TSPAN5: variants seen among roughly 807,000 people sequenced by gnomAD.
TSPAN5 encodes the protein tetraspanin 5, also known as tetraspanin-5.
In TSPAN5, 10 loss-of-function variants were observed where a neutral mutation model predicts 37.1. That is an observed-to-expected ratio of 0.27 (90% CI 0.17 to 0.46). TSPAN5 has a LOEUF of 0.46. Among genes scored for constraint, TSPAN5 ranks in the 20% least tolerant of loss-of-function variants. The pLI, the probability that TSPAN5 is intolerant of heterozygous loss-of-function variation, is 1.00. For synonymous variants in TSPAN5, 110 were observed against 118.9 expected (o/e 0.93, Z 0.48); for missense variants, 195 against 326.6 (o/e 0.60, Z 3.11).
At chr4:98,598,738 G>T (rs2110217279) in intron 1 of TSPAN5, among the ~76,000 whole-genome samples, 1 of 152,224 alleles carries the variant, frequency 6.6e-6, no homozygotes, top group African/African-American at 2.4e-5. Flanking sequence ...AAAGTACTGG[G>T]ATTACAGGCA....
intron 1 of TSPAN5, among the ~76,000 whole-genome samples, chr4:98,619,923 T>A (rs1023127076): frequency 3.9e-5 from 6 of 152,082 alleles, no homozygotes; most frequent in Non-Finnish European, 7.4e-5. Context: ...ACTAATCCAA[T>A]TTCACCCTTA....
chr4:98,517,067 A>C (rs921804230), intron 1 of TSPAN5, among the ~76,000 whole-genome samples: 2 of 152,214 alleles, frequency 1.3e-5, no homozygotes, highest in African/African-American at 4.8e-5. Context: ...CCTAAGACAT[A>C]AATAAGAGAC....
chr4:98,514,962 A>G (rs1753696716), intron 1 of TSPAN5, among the ~76,000 whole-genome samples: 1 of 152,208 alleles, frequency 6.6e-6, no homozygotes, highest in Non-Finnish European at 1.5e-5. Context: ...CGGGCTTGTC[A>G]TGTGGCAGAA....
intron 1 of TSPAN5, among the ~76,000 whole-genome samples, chr4:98,631,314 A>G (rs1756741860): frequency 6.6e-6 from 1 of 152,148 alleles, no homozygotes; most frequent in African/African-American, 2.4e-5. Context: ...TGAGGAAGAC[A>G]ATTCCAGGTC....
At chr4:98,609,355 C>G (rs957404304) in intron 1 of TSPAN5, among the ~76,000 whole-genome samples, 1 of 152,174 alleles carries the variant, frequency 6.6e-6, no homozygotes, top group Non-Finnish European at 1.5e-5. Context: ...CCAACCCCGA[C>G]CACTGGCTGG....
At chr4:98,517,468 T>C (rs1341302613) in intron 1 of TSPAN5, among the ~76,000 whole-genome samples, 1 of 149,790 alleles carries the variant, frequency 6.7e-6, no homozygotes, top group Admixed American at 6.6e-5. Flanking sequence ...GGAACTGTGT[T>C]CTCTGTTTTC....
intron 1 of TSPAN5, among the ~76,000 whole-genome samples, chr4:98,547,659 A>G (rs1754499003): frequency 6.6e-6 from 1 of 152,110 alleles, no homozygotes. Context: ...CCTTCTGTGG[A>G]TTAAGGATCT....
At chr4:98,587,481 A>C (rs953398407) in intron 1 of TSPAN5, among the ~76,000 whole-genome samples, 1 of 152,120 alleles carries the variant, frequency 6.6e-6, no homozygotes, top group African/African-American at 2.4e-5. Flanking sequence ...AAGACTGAAC[A>C]TATATTTCCT....
At chr4:98,626,894 T>TC (rs1756614162) in intron 1 of TSPAN5, among the ~76,000 whole-genome samples, 1 of 150,166 alleles carries the variant, frequency 6.7e-6, no homozygotes, top group Non-Finnish European at 1.5e-5. Context: ...AGGTTTTTTT[T>TC]TTTTTTTTTT....
intron 1 of TSPAN5, among the ~76,000 whole-genome samples, chr4:98,523,522 C>G (rs1219693019): frequency 6.6e-6 from 1 of 152,094 alleles, no homozygotes; most frequent in Non-Finnish European, 1.5e-5. Flanking sequence ...GCAACCTCTG[C>G]CTCCCGGGTT....
chr4:98,533,718 T>C (rs1176968859), intron 1 of TSPAN5, among the ~76,000 whole-genome samples: 2 of 148,546 alleles, frequency 1.3e-5, no homozygotes, highest in Non-Finnish European at 3.0e-5. Flanking sequence ...GCCTGGCTAA[T>C]TTTTTGTATT....
intron 1 of TSPAN5, among the ~76,000 whole-genome samples, chr4:98,639,141 G>C (rs1429009169): frequency 6.6e-6 from 1 of 152,158 alleles, no homozygotes; most frequent in Non-Finnish European, 1.5e-5. Context: ...CCAACAATTT[G>C]TGTGTATTCC....
chr4:98,527,020 G>C (rs544121646), intron 1 of TSPAN5, among the ~76,000 whole-genome samples: 3 of 152,282 alleles, frequency 2.0e-5, no homozygotes, highest in African/African-American at 7.2e-5. Context: ...AAAGAATCTG[G>C]ATTTTGTACT....
chr4:98,592,678 T>C (rs1231289422), intron 1 of TSPAN5, among the ~76,000 whole-genome samples: 4 of 145,672 alleles, frequency 2.7e-5, no homozygotes, highest in South Asian at 2.2e-4. Context: ...TGAGTGAGAA[T>C]ATGCGGTGTT....
At position 98,476,316 on chromosome 4, in the gene TSPAN5, G is replaced by C. The variant is rs758736561; in HGVS notation, c.625-11C>G. On this transcript the variant is annotated splice_polypyrimidine_tract_variant and intron_variant, in intron 6 of 7. Coordinates refer to ENST00000305798, the MANE Select transcript of TSPAN5 (RefSeq NM_005723.4). ...CTGCTGGTCAACTTCCTTCACAAGAGAAGAGGAGAGCACATTGTCACAGAT... is the reference window on the plus strand; with the variant it reads ...CTGCTGGTCAACTTCCTTCACAAGACAAGAGGAGAGCACATTGTCACAGAT... 1 of 1,613,636 alleles carries C rather than the reference G, an allele frequency of 6.2e-7. No homozygotes were observed. The highest frequency in any genetic ancestry group is 2.2e-5 in the East Asian group (1 of 44,876).
At chr4:98,580,661 A>C (rs1431950673) in intron 1 of TSPAN5, among the ~76,000 whole-genome samples, 2 of 152,240 alleles carry the variant, frequency 1.3e-5, no homozygotes, top group East Asian at 3.8e-4. Context: ...AGGGTGTCTA[A>C]TGCATTCATA....
At chr4:98,614,316 C>T (rs897170116) in intron 1 of TSPAN5, among the ~76,000 whole-genome samples, 2 of 152,200 alleles carry the variant, frequency 1.3e-5, no homozygotes, top group Non-Finnish European at 2.9e-5. Flanking sequence ...TCTTCAATTC[C>T]GTCATCAGCC....
At chr4:98,580,682 T>C (rs771860389) in intron 1 of TSPAN5, among the ~76,000 whole-genome samples, 3 of 152,210 alleles carry the variant, frequency 2.0e-5, no homozygotes, top group Non-Finnish European at 2.9e-5. Context: ...AAGAGAGTTA[T>C]TTATTTGATT....
intron 1 of TSPAN5, among the ~76,000 whole-genome samples, chr4:98,559,324 A>C (rs747794614): frequency 6.6e-6 from 1 of 152,224 alleles, no homozygotes; most frequent in Non-Finnish European, 1.5e-5. Context: ...GATATTCAAC[A>C]TGAATATTAC....
Sources: gnomAD v4.1 joint callset for allele counts (sites outside exome capture counted in the v4.1 genomes callset) on GRCh38, gnomAD v4.1.1 for gene constraint, MANE v1.5 for transcripts, NCBI Gene and HGNC (gene_info 2026-07-23, HGNC 2026-07-21) for gene names.